Variants in CFAP46 observed in about 807,000 individuals in gnomAD.
CFAP46 encodes cilia and flagella associated protein 46, also known as cilia- and flagella-associated protein 46.
In CFAP46, 245 loss-of-function variants were observed where a neutral mutation model predicts 325.7. That is an observed-to-expected ratio of 0.75 (90% CI 0.68 to 0.84). The LOEUF (loss-of-function observed/expected upper bound fraction) is 0.84, where lower values mean the gene tolerates loss of function less well. CFAP46 is among the 40% of genes least tolerant of loss of function. The pLI, the probability that CFAP46 is intolerant of heterozygous loss-of-function variation, is 0.00. For synonymous variants in CFAP46, 1,523 were observed against 1,495.9 expected, an observed-to-expected ratio of 1.02 and a Z score of -0.42; for missense variants, 3,346 against 3,543.0, an observed-to-expected ratio of 0.94 and a Z score of 1.41.
At chr10:132,845,989 C>T (rs111418724) in intron 44 of CFAP46, 68 bp downstream of exon 44, 22,493 of 1,501,580 alleles carry the variant, frequency 0.015, 481 homozygotes, top group African/African-American at 0.091. Context: ...TGGGACTGTG[C>T]GGCTGCAGTG....
intron 8 of CFAP46, among the ~76,000 whole-genome samples, chr10:132,930,629 C>CA (rs1849882504): frequency 8.4e-6 from 1 of 119,282 alleles, no homozygotes; most frequent in Non-Finnish European, 1.8e-5. Context: ...GGGCCTCCCT[C>CA]CTCTCCACAC....
rs142345766 is a variant in CFAP46, at chr10:132,941,693, G to C, written c.204C>G (p.Cys68Trp). Residue 68 changes from cysteine (C) to tryptophan (W), a missense_variant, in exon 3 of 58, where the codon TGC (cysteine) becomes TGG (tryptophan). Cys to Trp is a radical substitution (Grantham distance 215, BLOSUM62 -2). Transcript: ENST00000368586. ...KMRQPEVSED[C>W]IQMYFKVKAP... ...CCTTCACCTTGAAGTACATTTGGATGCAGTCCTCGCTCACCTCTGGCTGCC... is the reference window on the plus strand; with the variant it reads ...CCTTCACCTTGAAGTACATTTGGATCCAGTCCTCGCTCACCTCTGGCTGCC... The C allele has an allele frequency of 6.2e-7, 1 of 1,613,954 alleles. No homozygotes were observed. The highest frequency in any genetic ancestry group is 1.3e-5 in the African/African-American group (1 of 74,948).
At chr10:132,870,071 T>C (rs1257434593) in intron 32 of CFAP46, among the ~76,000 whole-genome samples, 2 of 152,228 alleles carry the variant, frequency 1.3e-5, no homozygotes, top group Non-Finnish European at 2.9e-5. Flanking sequence ...ATTCTCAAAA[T>C]ATTTCAAACT....
intron 6 of CFAP46, 195 bp downstream of exon 6, chr10:132,937,357 G>A: frequency 3.2e-6 from 2 of 620,496 alleles, no homozygotes; most frequent in South Asian, 5.2e-5. Flanking sequence ...TTTTCTAAAT[G>A]TCACAGTTCT....
chr10:132,810,926 C>T (rs1359875068), intron 56 of CFAP46, 24 bp downstream of exon 56: 2 of 1,567,338 alleles, frequency 1.3e-6, no homozygotes, highest in Non-Finnish European at 1.7e-6. Context: ...CATCCCTGCC[C>T]ACCCGTTCCA....
chr10:132,902,500 T>G (rs1184268146), intron 22 of CFAP46, among the ~76,000 whole-genome samples: 1 of 152,238 alleles, frequency 6.6e-6, no homozygotes, highest in Non-Finnish European at 1.5e-5. Flanking sequence ...TATTATCGGT[T>G]CCATTCTTTA....
chr10:132,910,133 C>T (rs367813634), intron 19 of CFAP46, 65 bp from the exon 20 acceptor site: 143 of 1,312,384 alleles, frequency 1.1e-4, no homozygotes, highest in African/African-American at 1.1e-3. Context: ...AGCCAAGATC[C>T]GAACCATTAA....
At chr10:132,895,586 A>G (rs901394732) in intron 24 of CFAP46, among the ~76,000 whole-genome samples, 1 of 152,246 alleles carries the variant, frequency 6.6e-6, no homozygotes, top group African/African-American at 2.4e-5. Context: ...CAAATCCACA[A>G]GAAAACTATT....
At chr10:132,912,457 C>CT (rs1473486739) in intron 19 of CFAP46, among the ~76,000 whole-genome samples, 198 bp downstream of exon 19, 1 of 127,932 alleles carries the variant, frequency 7.8e-6, no homozygotes, top group Non-Finnish European at 1.7e-5. Flanking sequence ...CTCTCTCTCT[C>CT]TTCACCTCTC....
intron 22 of CFAP46, among the ~76,000 whole-genome samples, chr10:132,901,980 A>T (rs1849397382): frequency 6.6e-6 from 1 of 152,156 alleles, no homozygotes; most frequent in African/African-American, 2.4e-5. Context: ...CTGTATGCAC[A>T]AATCCGTCCC....
intron 8 of CFAP46, among the ~76,000 whole-genome samples, chr10:132,933,372 T>C (rs575273588): frequency 1.3e-5 from 2 of 152,146 alleles, no homozygotes; most frequent in Non-Finnish European, 2.9e-5. Context: ...TGGACAGACC[T>C]CGGAACAGGG....
chr10:132,919,330 ACTT>A lies in CFAP46; in HGVS notation c.1840_1842del (p.Lys614del), dbSNP rs1195330362. The A allele has an allele frequency of 1.4e-5, 21 of 1,550,016 alleles. No individual in the cohort carries two copies. The highest frequency in any genetic ancestry group is 1.8e-5 in the Non-Finnish European group (21 of 1,146,824). On this transcript the variant is annotated inframe_deletion, in exon 15 of 58. Coordinates refer to ENST00000368586, the MANE Select transcript of CFAP46 (RefSeq NM_001200049.3). The surrounding 1 kb of genome is among the most constrained non-coding windows in gnomAD (Gnocchi z 9.7). ...GGGTACGAACCTCGCCGCAGCCTCA[ACTT>A]CTTCACCTTGACGTTGTCATACAGG...
At chr10:132,883,643 C>G (rs1849079419) in intron 27 of CFAP46, among the ~76,000 whole-genome samples, 1 of 152,260 alleles carries the variant, frequency 6.6e-6, no homozygotes, top group African/African-American at 2.4e-5. Context: ...GAGGACCGGG[C>G]CACGCCAGAA....
chr10:132,899,834 T>C (rs931197591), intron 22 of CFAP46, among the ~76,000 whole-genome samples, 168 bp from the exon 23 acceptor site: 3 of 152,088 alleles, frequency 2.0e-5, no homozygotes, highest in African/African-American at 7.2e-5. Flanking sequence ...CGAATCTGAG[T>C]CAGCTTCAGG....
intron 50 of CFAP46, among the ~76,000 whole-genome samples, chr10:132,822,791 CTG>C (rs1230113770): frequency 0.014 from 1,531 of 108,926 alleles, 41 homozygotes; most frequent in African/African-American, 0.029. Context: ...CTTGTGTGTG[CTG>C]TGTGTGTGCT....
chr10:132,884,881 T>C lies in CFAP46; in HGVS notation c.3627+222A>G, dbSNP rs1282661411. ...GGGACGAGGACCTGACCACGACCCC[T>C]CCATGCTGGAAAGGGACCACTGAAA... On this transcript the variant is annotated intron_variant, in intron 27 of 57. Coordinates refer to ENST00000368586, the MANE Select transcript of CFAP46 (RefSeq NM_001200049.3). The surrounding 1 kb of genome is among the most constrained non-coding windows in gnomAD (Gnocchi z 5.4). Among the ~76,000 whole-genome samples the C allele has an allele frequency of 2.0e-5, 3 of 152,052 alleles. No individual in the cohort carries two copies. Among genetic ancestry groups the C allele is most frequent in the Non-Finnish European group, 4.4e-5 (3 of 67,988 alleles).
At chr10:132,920,275 G>T (rs1284689018) in intron 13 of CFAP46, 93 bp from the exon 14 acceptor site, 1 of 1,406,808 alleles carries the variant, frequency 7.1e-7, no homozygotes. Context: ...CCGGCGCCGG[G>T]GTGGCCACCC....
rs755986677 is a variant in CFAP46, at chr10:132,808,945, G to A, written c.7665-41C>T. ...CGGGAGCTATGAACCCCGAGGCCCC[G>A]CAGGACGTCCAGCCCGGTGAGGACC... is the stretch of plus-strand genomic sequence containing the variant. On this transcript the variant is annotated intron_variant, in intron 57 of 57. Coordinates refer to ENST00000368586, the MANE Select transcript of CFAP46 (RefSeq NM_001200049.3). The surrounding 1 kb of genome is among the most constrained non-coding windows in gnomAD (Gnocchi z 6.8). 1.6e-5 allele frequency: 25 copies of A among 1,523,508 alleles called. No homozygotes were observed. Among genetic ancestry groups the A allele is most frequent in the South Asian group, 1.5e-4 (12 of 77,544 alleles). 94.4% of individuals were successfully genotyped at this position (1,523,508 alleles called of 1,614,324 possible).
chr10:132,816,749 G>C (rs946367170), intron 50 of CFAP46, among the ~76,000 whole-genome samples: 3 of 152,188 alleles, frequency 2.0e-5, no homozygotes, highest in Non-Finnish European at 2.9e-5. Flanking sequence ...CATCTCGCTA[G>C]TTTTTGACAT....
Sources: gnomAD v4.1 joint callset for allele counts (sites outside exome capture counted in the v4.1 genomes callset) on GRCh38, gnomAD v4.1.1 for gene constraint, Gnocchi (gnomAD v3.1) non-coding constraint, MANE v1.5 for transcripts, NCBI Gene and HGNC (gene_info 2026-07-23, HGNC 2026-07-21) for gene names.